CSMD3: variants seen among roughly 807,000 people sequenced by gnomAD.
The protein encoded by CSMD3 is CUB and sushi domain-containing protein 3.
In CSMD3, 177 loss-of-function variants were observed where a neutral mutation model predicts 435.2. That is an observed-to-expected ratio of 0.41 (90% CI 0.36 to 0.46). The LOEUF is 0.46. Among genes scored for constraint, CSMD3 ranks in the 20% least tolerant of loss-of-function variants. The pLI, the probability that CSMD3 is intolerant of heterozygous loss-of-function variation, is 0.34. For missense variants in CSMD3, 4,265 were observed against 4,504.6 expected (o/e 0.95, Z 1.52); for synonymous variants, 1,656 against 1,520.5 (o/e 1.09, Z -2.07).
At chr8:113,039,019 A>G (rs1386438319) in intron 5 of CSMD3, among the ~76,000 whole-genome samples, 1 of 152,134 alleles carries the variant, frequency 6.6e-6, no homozygotes, top group Non-Finnish European at 1.5e-5. Flanking sequence ...CTCTAAATGT[A>G]TTTTTAAAAA....
intron 12 of CSMD3, among the ~76,000 whole-genome samples, chr8:112,802,632 CT>C (rs1338746900): frequency 6.6e-6 from 1 of 151,800 alleles, no homozygotes; most frequent in Admixed American, 6.6e-5. Flanking sequence ...TTTTACTGAG[CT>C]GGCAAAAGAT....
intron 22 of CSMD3, among the ~76,000 whole-genome samples, chr8:112,598,654 CT>C (rs1434519957): frequency 1.3e-5 from 2 of 149,818 alleles, no homozygotes; most frequent in Non-Finnish European, 3.0e-5. Flanking sequence ...CAGCATGGTA[CT>C]GGTACCAAAA....
At chr8:112,679,889 G>A (rs1026313074) in intron 16 of CSMD3, among the ~76,000 whole-genome samples, 2 of 152,160 alleles carry the variant, frequency 1.3e-5, no homozygotes, top group African/African-American at 4.8e-5. Context: ...TTTAGCCACA[G>A]GGTAACTTTG....
Position 113,217,418 on chromosome 8 carries a change from A to G in CSMD3, c.515-43502T>C, listed in dbSNP as rs541552606. Among the ~76,000 whole-genome samples, 3 of 151,690 alleles carry G rather than the reference A, an allele frequency of 2.0e-5. No individual in the cohort carries two copies. In the South Asian group the frequency reaches 6.2e-4, roughly 31 times the overall value. On this transcript the variant is annotated intron_variant, in intron 3 of 70. Coordinates refer to ENST00000297405, the MANE Select transcript of CSMD3 (RefSeq NM_198123.2). Reference sequence around the variant, plus strand: ...ATGACACAAGTATTGGAATTAATAGATAAGAATTTTAAAAGCCTAGTTATA... The same window carrying G: ...ATGACACAAGTATTGGAATTAATAGGTAAGAATTTTAAAAGCCTAGTTATA...
chr8:113,097,921 T>A (rs572467070), intron 5 of CSMD3, among the ~76,000 whole-genome samples: 1 of 152,142 alleles, frequency 6.6e-6, no homozygotes, highest in South Asian at 2.1e-4. Context: ...CTCAGTCTAC[T>A]TCCTTACCTC....
At chr8:113,266,305 T>A (rs888552386) in intron 3 of CSMD3, among the ~76,000 whole-genome samples, 3 of 151,362 alleles carry the variant, frequency 2.0e-5, no homozygotes, top group African/African-American at 7.2e-5. Context: ...GTCATTATTT[T>A]AAAAAGACAA....
At chr8:112,436,330 A>C (rs567186066) in intron 32 of CSMD3, among the ~76,000 whole-genome samples, 1 of 151,926 alleles carries the variant, frequency 6.6e-6, no homozygotes, top group African/African-American at 2.4e-5. Flanking sequence ...ATTCTGATTA[A>C]AAATAATCAG....
chr8:112,647,302 C>CTTTT (rs35978527), intron 19 of CSMD3, among the ~76,000 whole-genome samples: 13 of 137,158 alleles, frequency 9.5e-5, no homozygotes, highest in Admixed American at 7.4e-4. Context: ...TTTCAAATCA[C>CTTTT]TTTTTTTTTT....
At chr8:112,940,045 C>A (rs932339831) in intron 9 of CSMD3, among the ~76,000 whole-genome samples, 1 of 151,708 alleles carries the variant, frequency 6.6e-6, no homozygotes, top group Non-Finnish European at 1.5e-5. Context: ...TTTGTAATTA[C>A]CAAAATAAGA....
At chr8:112,784,929 T>G (rs1036570506) in intron 13 of CSMD3, among the ~76,000 whole-genome samples, 1 of 152,020 alleles carries the variant, frequency 6.6e-6, no homozygotes, top group Non-Finnish European at 1.5e-5. Context: ...AATAGTATCC[T>G]GATATCAAAA....
intron 12 of CSMD3, among the ~76,000 whole-genome samples, chr8:112,809,223 T>C (rs1280706996): frequency 6.6e-6 from 1 of 152,100 alleles, no homozygotes; most frequent in African/African-American, 2.4e-5. Context: ...CATAAGGACC[T>C]GGAAGGACCT....
intron 5 of CSMD3, among the ~76,000 whole-genome samples, chr8:113,025,022 C>G (rs1357712151): frequency 1.1e-5 from 1 of 91,708 alleles, no homozygotes; most frequent in Non-Finnish European, 1.9e-5. Context: ...AGATAACTGT[C>G]TCCAGTTCCC....
intron 12 of CSMD3, among the ~76,000 whole-genome samples, chr8:112,814,448 A>G (rs1355678759): frequency 6.6e-6 from 1 of 152,106 alleles, no homozygotes; most frequent in Non-Finnish European, 1.5e-5. Context: ...TATAGGGAAA[A>G]GTCTCTTCCA....
chr8:112,746,187 AT>A (rs2077421670), intron 13 of CSMD3, among the ~76,000 whole-genome samples: 3 of 152,102 alleles, frequency 2.0e-5, no homozygotes, highest in Non-Finnish European at 4.4e-5. Context: ...GCTTTTGGCT[AT>A]TTTTTTCTGT....
intron 13 of CSMD3, among the ~76,000 whole-genome samples, chr8:112,784,735 T>C (rs889160027): frequency 2.0e-5 from 3 of 151,976 alleles, no homozygotes; most frequent in Admixed American, 2.0e-4. Flanking sequence ...AAAACCTTAA[T>C]ACACCAATAA....
chr8:113,071,778 A>G (rs2131407270), intron 5 of CSMD3, among the ~76,000 whole-genome samples: 1 of 151,944 alleles, frequency 6.6e-6, no homozygotes, highest in East Asian at 1.9e-4. Flanking sequence ...TTGCTTTCAA[A>G]CTAATTCTTT....
intron 52 of CSMD3, among the ~76,000 whole-genome samples, chr8:112,304,042 G>T (rs1251027221): frequency 2.6e-5 from 4 of 152,024 alleles, no homozygotes; most frequent in South Asian, 4.1e-4. Flanking sequence ...GTTAGCTTAT[G>T]TATATTAGAT....
At chr8:112,421,175 A>AT (rs11374817) in intron 32 of CSMD3, among the ~76,000 whole-genome samples, 65,050 of 149,888 alleles carry the variant, frequency 0.43, 14,756 homozygotes, top group Middle Eastern at 0.61. Flanking sequence ...ATGTTTGCAC[A>AT]TTTTTTTTTT....
intron 31 of CSMD3, among the ~76,000 whole-genome samples, chr8:112,485,184 T>C (rs903444481): frequency 6.6e-6 from 1 of 152,120 alleles, no homozygotes; most frequent in Non-Finnish European, 1.5e-5. Context: ...TTTTCCCCTA[T>C]CGTATGAAAA....
Sources: gnomAD v4.1 joint callset for allele counts (sites outside exome capture counted in the v4.1 genomes callset) on GRCh38, gnomAD v4.1.1 for gene constraint, MANE v1.5 for transcripts, NCBI Gene and HGNC (gene_info 2026-07-23, HGNC 2026-07-21) for gene names.